Variants in DENND6A observed in about 807,000 individuals in gnomAD.
DENND6A encodes DENN domain containing 6A.
DENND6A carries 43 observed loss-of-function variants against 95.5 expected under a neutral mutation model. The observed-to-expected ratio is 0.45, with a 90% confidence interval of 0.35 to 0.58. DENND6A has a LOEUF of 0.58. Among genes scored for constraint, DENND6A ranks in the 20% least tolerant of loss-of-function variants. The probability of loss-of-function intolerance (pLI) is 0.00; values close to 1 mark genes in which losing one functional copy is unlikely to be tolerated. For synonymous variants in DENND6A, 257 were observed against 260.4 expected (o/e 0.99, Z 0.13); for missense variants, 574 against 736.0 (o/e 0.78, Z 2.55).
At chr3:57,658,007 C>T (rs977806649) in intron 8 of DENND6A, among the ~76,000 whole-genome samples, 4 of 151,784 alleles carry the variant, frequency 2.6e-5, no homozygotes, top group Non-Finnish European at 5.9e-5. Context: ...TAGGACAAGG[C>T]GGGCGGATCA....
At chr3:57,646,060 C>T (rs1397861458) in intron 10 of DENND6A, among the ~76,000 whole-genome samples, 2 of 152,186 alleles carry the variant, frequency 1.3e-5, no homozygotes, top group African/African-American at 2.4e-5. Flanking sequence ...GGAACAACTT[C>T]ATGTAATGAA....
In DENND6A at chr3:57,654,237, G is replaced by A. The variant is rs145701006; in HGVS notation, c.818+3443C>T. ...CCCAAAGTGCCGGGATTACAGGTGT[G>A]AGCCACCGTGCCCAGCCAGAAATTC... is the stretch of plus-strand genomic sequence containing the variant. On this transcript the variant is annotated intron_variant, in intron 9 of 19. Coordinates refer to ENST00000311128, the MANE Select transcript of DENND6A (RefSeq NM_152678.3). Among the ~76,000 whole-genome samples the A allele has an allele frequency of 7.9e-4, 120 of 152,040 alleles. 1 individual carries two copies. Among genetic ancestry groups the A allele is most frequent in the African/African-American group, 2.4e-3 (100 of 41,466 alleles).
intron 9 of DENND6A, among the ~76,000 whole-genome samples, chr3:57,657,282 C>G (rs981322157): frequency 2.6e-5 from 4 of 152,090 alleles, no homozygotes; most frequent in African/African-American, 9.7e-5. Context: ...ATACATATCA[C>G]TCAGATTTAA....
chr3:57,649,762 C>T (rs2071160668), intron 9 of DENND6A, among the ~76,000 whole-genome samples: 1 of 151,832 alleles, frequency 6.6e-6, no homozygotes, highest in East Asian at 1.9e-4. Context: ...GGATACCCTC[C>T]TTACCCTGCT....
chr3:57,641,150 G>T, intron 12 of DENND6A, among the ~76,000 whole-genome samples: 1 of 140,944 alleles, frequency 7.1e-6, no homozygotes. Context: ...TGTTTTATTG[G>T]GCTTTTAAAT....
chr3:57,642,313 C>CAA (rs10681174), intron 11 of DENND6A, among the ~76,000 whole-genome samples: 795 of 67,192 alleles, frequency 0.012, 23 homozygotes, highest in African/African-American at 0.037. Flanking sequence ...GACTCTGTCT[C>CAA]AAAAAAAAAA....
chr3:57,689,074 C>T (rs2077237387), intron 1 of DENND6A, among the ~76,000 whole-genome samples: 1 of 151,984 alleles, frequency 6.6e-6, no homozygotes, highest in Non-Finnish European at 1.5e-5. Flanking sequence ...CCTGCCTCAC[C>T]CTCCCGAGTA....
chr3:57,650,316 A>T (rs1447331639), intron 9 of DENND6A, among the ~76,000 whole-genome samples: 1 of 151,966 alleles, frequency 6.6e-6, no homozygotes. Context: ...AAAAAAAAAA[A>T]AGTTGCAGCA....
chr3:57,692,703 A>T, intron 1 of DENND6A, 79 bp downstream of exon 1: 2 of 1,304,634 alleles, frequency 1.5e-6, no homozygotes, highest in Non-Finnish European at 2.0e-6. Flanking sequence ...CTGGCCGGTC[A>T]GCCCGCGGGC....
intron 7 of DENND6A, among the ~76,000 whole-genome samples, chr3:57,659,709 C>T (rs567950617): frequency 1.3e-5 from 2 of 152,290 alleles, no homozygotes; most frequent in South Asian, 4.1e-4. Context: ...TAGGGTACAA[C>T]CTATACAAAG....
rs1483033004 is a variant in DENND6A at position 57,625,616 on chromosome 3, G to T, written c.*2598C>A. On this transcript the variant is annotated 3_prime_UTR_variant, in exon 20 of 20. Transcript: ENST00000311128. Reference sequence around the variant, plus strand: ...TAGAGATAAAACATTTAATGTCAGGGTTTACATAGTAACAAATTCTTCTTA... The same window carrying T: ...TAGAGATAAAACATTTAATGTCAGGTTTTACATAGTAACAAATTCTTCTTA... The T allele has an allele frequency of 1.3e-5, 2 of 152,144 alleles. No individual in the cohort carries two copies. Among genetic ancestry groups the T allele is most frequent in the Non-Finnish European group, 2.9e-5 (2 of 67,970 alleles). 9.4% of individuals were successfully genotyped at this position (152,144 alleles called of 1,614,324 possible). A position where few individuals can be genotyped will look rare whatever the true frequency, so the allele number is the denominator to read the frequency against.
At position 57,693,056 on chromosome 3, in the gene DENND6A, G is replaced by A; in HGVS notation, c.-38C>T. ...GACCGTTCGCGCCGCCTCCACAGCG[G>A]ACCGCGCCGCAGAGCGCGCTTGCCT... On this transcript the variant is annotated 5_prime_UTR_variant, in exon 1 of 20. Coordinates refer to ENST00000311128, the MANE Select transcript of DENND6A (RefSeq NM_152678.3). The A allele has an allele frequency of 7.4e-7, 1 of 1,356,914 alleles. No individual in the cohort carries two copies. The highest frequency in any genetic ancestry group is 9.4e-7 in the Non-Finnish European group (1 of 1,060,628). 84.1% of individuals were successfully genotyped at this position (1,356,914 alleles called of 1,614,324 possible).
intron 1 of DENND6A, among the ~76,000 whole-genome samples, chr3:57,674,821 G>A (rs1221671637): frequency 6.6e-6 from 1 of 152,166 alleles, no homozygotes; most frequent in Non-Finnish European, 1.5e-5. Flanking sequence ...GTCTTTTATG[G>A]GAACACGGAT....
chr3:57,643,380 T>G (rs1414091246), intron 11 of DENND6A, among the ~76,000 whole-genome samples: 1 of 152,120 alleles, frequency 6.6e-6, no homozygotes, highest in African/African-American at 2.4e-5. Context: ...ACTTCTATCT[T>G]CTATGGGGCA....
chr3:57,662,614 C>T (rs1050173498), intron 5 of DENND6A, among the ~76,000 whole-genome samples: 6 of 151,892 alleles, frequency 4.0e-5, no homozygotes, highest in Non-Finnish European at 2.9e-5. Flanking sequence ...ATAGTTCAGG[C>T]GTTTATTAGT....
chr3:57,668,677 G>A (rs776489454), intron 3 of DENND6A, among the ~76,000 whole-genome samples: 2 of 152,120 alleles, frequency 1.3e-5, no homozygotes, highest in South Asian at 2.1e-4. Context: ...AAGGGCAAAC[G>A]ATTCCAATCT....
chr3:57,637,015 T>C (rs1007080114), intron 12 of DENND6A, among the ~76,000 whole-genome samples: 4 of 150,462 alleles, frequency 2.7e-5, no homozygotes, highest in Admixed American at 6.6e-5. Flanking sequence ...TACAGAAGCA[T>C]GAACATGTTG....
At chr3:57,637,846 T>C (rs568768975) in intron 12 of DENND6A, among the ~76,000 whole-genome samples, 4 of 151,014 alleles carry the variant, frequency 2.6e-5, no homozygotes, top group Admixed American at 6.6e-5. Flanking sequence ...TATAAACTCC[T>C]GTGCACAGGC....
chr3:57,674,652 A>G (rs1001930042), intron 1 of DENND6A, among the ~76,000 whole-genome samples: 5 of 152,166 alleles, frequency 3.3e-5, no homozygotes, highest in Non-Finnish European at 5.9e-5. Flanking sequence ...AAATAAATAA[A>G]TAAGATAAAA....
Sources: gnomAD v4.1 joint callset for allele counts (sites outside exome capture counted in the v4.1 genomes callset) on GRCh38, gnomAD v4.1.1 for gene constraint, MANE v1.5 for transcripts, NCBI Gene and HGNC (gene_info 2026-07-23, HGNC 2026-07-21) for gene names.